Variants in HARS1 observed in about 807,000 individuals in gnomAD.
HARS1 encodes the protein histidine--tRNA ligase, cytoplasmic.
In HARS1, 45 loss-of-function variants were observed where a neutral mutation model predicts 63.6. The ratio of observed to expected loss-of-function variants is 0.71; its 90% CI spans 0.56 to 0.91. HARS1 has a LOEUF of 0.91. Ranked by LOEUF, HARS1 falls within the 40% of genes least tolerant of loss-of-function variation. HARS1 has a pLI of 0.00. For missense variants in HARS1, 508 were observed against 643.2 expected (o/e 0.79, Z 2.27); for synonymous variants, 205 against 247.1 (o/e 0.83, Z 1.60).
chr5:140,679,500 G>T lies in HARS1; in HGVS notation c.396+288C>A. The T allele has an allele frequency of 7.1e-6, 3 of 419,960 alleles. No individual in the cohort carries two copies. The highest frequency in any genetic ancestry group is 4.3e-5 in the South Asian group (1 of 23,294). 26.0% of individuals were successfully genotyped at this position (419,960 alleles called of 1,614,324 possible). On this transcript the variant is annotated intron_variant, in intron 4 of 12. Transcript: ENST00000504156. This position sits in a 1 kb window ranked among gnomAD's most constrained non-coding sequence, Gnocchi z 4.3. ...AAATGTGTTGCTAGTCCATTAAGAAGAATTTTGTTCACTGGACAGGGCAGG... is the reference window on the plus strand; with the variant it reads ...AAATGTGTTGCTAGTCCATTAAGAATAATTTTGTTCACTGGACAGGGCAGG...
intron 3 of HARS1, among the ~76,000 whole-genome samples, chr5:140,680,840 C>CAAAAAA (rs1338621001): frequency 8.7e-6 from 1 of 115,432 alleles, no homozygotes. Context: ...AACTCTGTCT[C>CAAAAAA]AAAAAAAAAA....
intron 2 of HARS1, among the ~76,000 whole-genome samples, chr5:140,690,609 T>C (rs1306240261): frequency 6.6e-6 from 1 of 152,186 alleles, no homozygotes; most frequent in Admixed American, 6.5e-5. Flanking sequence ...ATTTATTGAA[T>C]GAACGAAGGA....
In HARS1 at chr5:140,683,432, T is replaced by C. The variant is rs1758837739; in HGVS notation, c.181-213A>G. 3.0e-6 allele frequency: 3 copies of C among 995,930 alleles called. No individual in the cohort carries two copies. The African/African-American group carries it at 4.9e-5, about 16-fold the overall frequency. The allele number at this position is 995,930 out of a possible 1,614,324, so 61.7% of individuals were successfully genotyped here. ...TATCTGCCTTCCAAACTCCATTCCC[T>C]TTTAAGTTTGGGTCTATTTTCTAAA... On this transcript the variant is annotated intron_variant, in intron 2 of 12. Coordinates refer to ENST00000504156, the MANE Select transcript of HARS1 (RefSeq NM_002109.6).
In HARS1 at chr5:140,674,844, G is replaced by A; in HGVS notation, c.1312-19C>T. ...GCTCAGCCTGCAGGGGACAAGAGCA[G>A]AAGATGAAGGCTGGCTTCTGCTGTC... On this transcript the variant is annotated intron_variant, in intron 11 of 12. Coordinates refer to ENST00000504156, the MANE Select transcript of HARS1 (RefSeq NM_002109.6). 2 of 1,613,814 alleles carry A rather than the reference G, an allele frequency of 1.2e-6. No homozygotes were observed. The highest frequency in any genetic ancestry group is 1.7e-6 in the Non-Finnish European group (2 of 1,179,690).
rs142443502 is a variant in HARS1 at position 140,678,072 on chromosome 5, C to T, written c.523-57G>A. 6,703 of 870,094 alleles carry T rather than the reference C, an allele frequency of 7.7e-3. 35 individuals are homozygous for T. The highest frequency in any genetic ancestry group is 0.02 in the Middle Eastern group (91 of 4,636). The allele number at this position is 870,094 out of a possible 1,614,324, so 53.9% of individuals were successfully genotyped here. On this transcript the variant is annotated intron_variant, in intron 5 of 12. Coordinates refer to ENST00000504156, the MANE Select transcript of HARS1 (RefSeq NM_002109.6). ...GGGATTCACCTTTCTGAAGGGGGGA[C>T]TCTGGGAGCTCTGTCCTCTAGGAAG...
intron 2 of HARS1, among the ~76,000 whole-genome samples, chr5:140,686,691 C>A (rs559724506): frequency 1.3e-5 from 2 of 151,406 alleles, no homozygotes; most frequent in African/African-American, 4.9e-5. Context: ...ACCTCTGCTT[C>A]CCAGGTTCAA....
chr5:140,683,210 C>T lies in HARS1; in HGVS notation c.190G>A (p.Asp64Asn). Residue 64 changes from aspartate (D) to asparagine (N), a missense_variant, in exon 3 of 13, where the codon GAC becomes AAC. By Grantham distance (23) the Asp-to-Asn change is conservative (BLOSUM62 1). Coordinates refer to ENST00000504156, the MANE Select transcript of HARS1 (RefSeq NM_002109.6). ...ACTGCCATCTGCCGGGGACTATAGT[C>T]TCTTGTGCCCTTGGAGTTGAAATCA... ...FVLKTPKGTRDYSPRQMAVRE... is the reference protein window; with the variant it reads ...FVLKTPKGTRNYSPRQMAVRE... 1 of 1,613,532 alleles carries T rather than the reference C, an allele frequency of 6.2e-7. No individual in the cohort carries two copies. Among genetic ancestry groups the T allele is most frequent in the East Asian group, 2.2e-5 (1 of 44,890 alleles).
Position 140,674,050 on chromosome 5 carries a change from C to G in HARS1, c.*207G>C. Reference sequence around the variant, plus strand: ...ACAGACTGGACTAAGCCTCCTGGGCCTTGTATGAAAAAGGTGTTGTACCTG... The same window carrying G: ...ACAGACTGGACTAAGCCTCCTGGGCGTTGTATGAAAAAGGTGTTGTACCTG... On this transcript the variant is annotated 3_prime_UTR_variant, in exon 13 of 13. Transcript: ENST00000504156. 1 of 639,642 alleles carries G rather than the reference C, an allele frequency of 1.6e-6. No homozygotes were observed. The highest frequency in any genetic ancestry group is 2.8e-6 in the Non-Finnish European group (1 of 353,530). 39.6% of individuals were successfully genotyped at this position (639,642 alleles called of 1,614,324 possible).
Position 140,677,005 on chromosome 5 carries a change from A to C in HARS1, c.935T>G (p.Phe312Cys), listed in dbSNP as rs1416944591. The change falls in exon 9 of 13, where the codon TTT becomes TGT. Residue 312 changes from phenylalanine to cysteine, a missense_variant. By Grantham distance (205) the Phe-to-Cys change is radical (BLOSUM62 -2). Transcript: ENST00000504156. Reference protein sequence around the residue: ...LKLLFEYLTLFGIDDKISFDL... With the variant: ...LKLLFEYLTLCGIDDKISFDL... ...TTGACTCACTTTGTCATCAATGCCA[A>C]ATAGGGTCAGGTACTCAAAGAGCAA... is the stretch of plus-strand genomic sequence containing the variant. 1 of 1,614,066 alleles carries C rather than the reference A, an allele frequency of 6.2e-7. No individual in the cohort carries two copies. The highest frequency in any genetic ancestry group is 8.5e-7 in the Non-Finnish European group (1 of 1,180,018).
chr5:140,690,138 T>C (rs998167746), intron 2 of HARS1, among the ~76,000 whole-genome samples: 2 of 152,226 alleles, frequency 1.3e-5, no homozygotes, highest in African/African-American at 4.8e-5. Flanking sequence ...ATATCATTTT[T>C]CACAATATGT....
At chr5:140,685,016 C>T (rs1044454872) in intron 2 of HARS1, 9 of 151,990 alleles carry the variant, frequency 5.9e-5, no homozygotes, top group African/African-American at 1.7e-4. Context: ...AAGTATATAA[C>T]GAAAATCTAA....
In HARS1 at chr5:140,679,259, A is replaced by G. The variant is rs1356314884; in HGVS notation, c.397-132T>C. The G allele has an allele frequency of 3.9e-6, 3 of 768,850 alleles. No individual in the cohort carries two copies. Among genetic ancestry groups the G allele is most frequent in the Non-Finnish European group, 6.5e-6 (3 of 462,102 alleles). 47.6% of individuals were successfully genotyped at this position (768,850 alleles called of 1,614,324 possible). On this transcript the variant is annotated intron_variant, in intron 4 of 12. Coordinates refer to ENST00000504156, the MANE Select transcript of HARS1 (RefSeq NM_002109.6). The surrounding 1 kb of genome is among the most constrained non-coding windows in gnomAD (Gnocchi z 4.3). ...GCCACCCATAAGATTAATAGCACTT[A>G]CAAACATCAGAAAGCATCAGCTGTG...
intron 2 of HARS1, among the ~76,000 whole-genome samples, chr5:140,690,266 A>G (rs1405663370): frequency 6.6e-6 from 1 of 152,194 alleles, no homozygotes; most frequent in African/African-American, 2.4e-5. Context: ...ATCCTGGCCA[A>G]TATGGTGAAA....
chr5:140,678,365 C>A (rs752707072), intron 5 of HARS1: 1 of 303,656 alleles, frequency 3.3e-6, no homozygotes, highest in Non-Finnish European at 6.2e-6. Flanking sequence ...TTTCCTTATT[C>A]TCTGCTGTGA....
At position 140,691,237 on chromosome 5, in the gene HARS1, T is replaced by C. The variant is rs1411650269; in HGVS notation, c.68A>G (p.Gln23Arg). ...LQGERVRGLKQQKASAELIEE... is the reference protein window; with the variant it reads ...LQGERVRGLKRQKASAELIEE... ...CACCAGCTCGGCGCTGGCCTTCTGC[T>C]GCTTGAGGCCTCGCACGCGCTCTCC... The change falls in exon 1 of 13, where the codon CAG (glutamine) becomes CGG (arginine). Residue 23 changes from glutamine (Q) to arginine (R), a missense_variant. By Grantham distance (43) the Gln-to-Arg change is conservative. This residue lies in a region of HARS1 where 105 missense variants were observed against 94.5 expected (regional missense o/e 1.11). Transcript: ENST00000504156. 1.9e-6 allele frequency: 3 copies of C among 1,607,422 alleles called. No individual in the cohort carries two copies. In the African/African-American group the frequency reaches 4.0e-5, roughly 21 times the overall value.
At chr5:140,686,603 CT>C (rs569351034) in intron 2 of HARS1, among the ~76,000 whole-genome samples, 3,870 of 135,742 alleles carry the variant, frequency 0.029, 89 homozygotes, top group African/African-American at 0.067. Context: ...TTCTAAAATT[CT>C]TTTTTTTTTT....
intron 3 of HARS1, among the ~76,000 whole-genome samples, chr5:140,682,583 A>C (rs886555685): frequency 2.0e-5 from 3 of 152,144 alleles, no homozygotes; most frequent in Non-Finnish European, 4.4e-5. Flanking sequence ...GGCTTGCTAC[A>C]TTGCCCAGAC....
chr5:140,687,247 G>A (rs1339098684), intron 2 of HARS1, among the ~76,000 whole-genome samples: 7 of 152,156 alleles, frequency 4.6e-5, no homozygotes, highest in Admixed American at 2.6e-4. Flanking sequence ...GTAAGTTTTT[G>A]GCCAGGCATG....
intron 10 of HARS1, chr5:140,675,404 G>C: frequency 3.4e-6 from 1 of 294,052 alleles, no homozygotes; most frequent in South Asian, 4.8e-5. Flanking sequence ...TCTCCATGTA[G>C]TACCTTTTTT....
Sources: allele counts gnomAD v4.1 joint callset (sites outside exome capture counted in the v4.1 genomes callset), GRCh38; gene constraint gnomAD v4.1.1; regional missense constraint gnomAD v4.1.1; non-coding constraint Gnocchi (gnomAD v3.1); transcripts MANE v1.5; gene names NCBI Gene and HGNC (gene_info 2026-07-23, HGNC 2026-07-21).